NOS1AP: variants seen among roughly 807,000 people sequenced by gnomAD.
NOS1AP encodes the protein nitric oxide synthase 1 adaptor protein, also known as carboxyl-terminal PDZ ligand of neuronal nitric oxide synthase protein.
In NOS1AP, 21 loss-of-function variants were observed where a neutral mutation model predicts 56.2. That is an observed-to-expected ratio of 0.37 (90% confidence interval 0.26 to 0.54). The LOEUF is 0.54. Ranked by LOEUF, NOS1AP falls within the 20% of genes least tolerant of loss-of-function variation. The pLI is 0.84. For missense variants in NOS1AP, 522 were observed against 657.8 expected (o/e 0.79, Z 2.26); for synonymous variants, 270 against 274.6 (o/e 0.98, Z 0.17).
intron 2 of NOS1AP, among the ~76,000 whole-genome samples, chr1:162,222,877 C>T (rs1225427997): frequency 2.0e-5 from 3 of 152,100 alleles, no homozygotes; most frequent in South Asian, 2.1e-4. Context: ...GTTAAGATCA[C>T]GTGTGCTGAT....
rs138572328 is a variant in NOS1AP, at chr1:162,072,059, CAGATAGATAGATAGATAGATAGAT to C, written c.105+1809_105+1832del. On this transcript the variant is annotated intron_variant, in intron 1 of 9. Transcript: ENST00000361897. ...TGGGTGACAGAATGAGACCCTGTCTCAGATAGATAGATAGATAGATAGATAGATAGATAGATAGATAGATAGATA... is the reference window on the plus strand; with the variant it reads ...TGGGTGACAGAATGAGACCCTGTCTCAGATAGATAGATAGATAGATAGATA... Among the ~76,000 whole-genome samples, 36 of 141,588 alleles carry C rather than the reference CAGATAGATAGATAGATAGATAGAT, an allele frequency of 2.5e-4. 1 individual carries two copies. The highest frequency in any genetic ancestry group is 2.1e-4 in the Admixed American group (3 of 13,988). The allele number at this position is 141,588 out of a possible 152,430, so 92.9% of individuals were successfully genotyped here.
intron 2 of NOS1AP, among the ~76,000 whole-genome samples, chr1:162,175,153 G>GA (rs59467237): frequency 4.2e-4 from 61 of 144,806 alleles, no homozygotes; most frequent in African/African-American, 4.5e-4. Context: ...ACTTTTTGGG[G>GA]AAAAAAAAAA....
chr1:162,236,030 C>T (rs1468638962), intron 2 of NOS1AP, among the ~76,000 whole-genome samples: 1 of 152,178 alleles, frequency 6.6e-6, no homozygotes, highest in African/African-American at 2.4e-5. Context: ...TTTCATGTCA[C>T]TTCCCCAGTC....
At chr1:162,142,535 C>T (rs940404814) in intron 1 of NOS1AP, among the ~76,000 whole-genome samples, 74 of 151,998 alleles carry the variant, frequency 4.9e-4, no homozygotes, top group African/African-American at 1.8e-3. Flanking sequence ...ACCTTTTATT[C>T]TTGGTGTACA....
chr1:162,340,012 G>A (rs1210509559), intron 5 of NOS1AP, among the ~76,000 whole-genome samples: 2 of 152,196 alleles, frequency 1.3e-5, no homozygotes, highest in African/African-American at 4.8e-5. Context: ...AGTACAGTGA[G>A]GAGCTGTTTA....
intron 1 of NOS1AP, among the ~76,000 whole-genome samples, chr1:162,099,953 G>GACATGA (rs1029354594): frequency 6.6e-6 from 1 of 151,584 alleles, no homozygotes; most frequent in Non-Finnish European, 1.5e-5. Context: ...CCCTACAAAG[G>GACATGA]ACATGAACTC....
chr1:162,329,972 C>T (rs1656712289), intron 4 of NOS1AP, among the ~76,000 whole-genome samples: 1 of 152,234 alleles, frequency 6.6e-6, no homozygotes, highest in Admixed American at 6.5e-5. Context: ...GTACAGTTCT[C>T]ATCAGATTTT....
chr1:162,180,773 C>G (rs1476912708), intron 2 of NOS1AP, among the ~76,000 whole-genome samples: 2 of 152,140 alleles, frequency 1.3e-5, no homozygotes, highest in Non-Finnish European at 2.9e-5. Flanking sequence ...AGGAACACAG[C>G]CTGGTTGACA....
chr1:162,367,623 G>A lies in NOS1AP; in HGVS notation c.*156G>A. The A allele has an allele frequency of 1.2e-6, 1 of 820,838 alleles. No homozygotes were observed. The highest frequency in any genetic ancestry group is 1.8e-5 in the South Asian group (1 of 54,686). 50.8% of individuals were successfully genotyped at this position (820,838 alleles called of 1,614,324 possible). A position where few individuals can be genotyped will look rare whatever the true frequency, so the allele number is the denominator to read the frequency against. On this transcript the variant is annotated 3_prime_UTR_variant, in exon 10 of 10. Coordinates refer to ENST00000361897, the MANE Select transcript of NOS1AP (RefSeq NM_014697.3). The surrounding 1 kb of genome is among the most constrained non-coding windows in gnomAD (Gnocchi z 6.5). Reference sequence around the variant, plus strand: ...GGTTTCAGGAAAGTATTGAGATTCTGCTTTGGAGGGTAAAGTGGGGAAGAA... The same window carrying A: ...GGTTTCAGGAAAGTATTGAGATTCTACTTTGGAGGGTAAAGTGGGGAAGAA...
chr1:162,341,948 G>T (rs1657120799), intron 5 of NOS1AP, among the ~76,000 whole-genome samples: 1 of 152,142 alleles, frequency 6.6e-6, no homozygotes, highest in Non-Finnish European at 1.5e-5. Flanking sequence ...TGTGTTTTGG[G>T]AGTGGGAAGT....
chr1:162,326,461 T>C (rs1331639468), intron 4 of NOS1AP, among the ~76,000 whole-genome samples: 1 of 152,208 alleles, frequency 6.6e-6, no homozygotes, highest in Non-Finnish European at 1.5e-5. Context: ...TGGGTGTGCA[T>C]GCTTACACAT....
At chr1:162,232,546 G>A (rs1303835200) in intron 2 of NOS1AP, among the ~76,000 whole-genome samples, 1 of 151,652 alleles carries the variant, frequency 6.6e-6, no homozygotes, top group Non-Finnish European at 1.5e-5. Context: ...GTGTGTGTGT[G>A]TGTGTGTCTA....
intron 1 of NOS1AP, among the ~76,000 whole-genome samples, chr1:162,084,796 C>T (rs1466181016): frequency 6.6e-6 from 1 of 152,058 alleles, no homozygotes; most frequent in African/African-American, 2.4e-5. Flanking sequence ...ATATTCCTGC[C>T]TCAGCCTCCC....
chr1:162,178,810 C>T (rs574674275), intron 2 of NOS1AP, among the ~76,000 whole-genome samples: 1 of 152,336 alleles, frequency 6.6e-6, no homozygotes, highest in East Asian at 1.9e-4. Flanking sequence ...TGCTCTTATA[C>T]TTCCTGGATG....
At chr1:162,310,596 G>A (rs1655991283) in intron 4 of NOS1AP, among the ~76,000 whole-genome samples, 1 of 152,150 alleles carries the variant, frequency 6.6e-6, no homozygotes, top group Admixed American at 6.5e-5. Flanking sequence ...TCATACATAT[G>A]CATGAGTAGG....
At chr1:162,098,618 G>A (rs12069050) in intron 1 of NOS1AP, among the ~76,000 whole-genome samples, 17,575 of 151,844 alleles carry the variant, frequency 0.12, 2,263 homozygotes, top group African/African-American at 0.32. Flanking sequence ...CATCACCTAG[G>A]TATTAAGCCT....
intron 3 of NOS1AP, among the ~76,000 whole-genome samples, chr1:162,300,067 C>T (rs1655593884): frequency 6.6e-6 from 1 of 152,278 alleles, no homozygotes; most frequent in African/African-American, 2.4e-5. Context: ...ACAGCAAAGT[C>T]TCTCTGACAA....
intron 1 of NOS1AP, 92 bp downstream of exon 1, chr1:162,070,374 C>A: frequency 8.9e-7 from 1 of 1,122,904 alleles, no homozygotes; most frequent in Non-Finnish European, 1.3e-6. Flanking sequence ...GGACCCAGAG[C>A]TGGCGGGCTA....
At chr1:162,071,896 A>G (rs1691666182) in intron 1 of NOS1AP, among the ~76,000 whole-genome samples, 1 of 152,100 alleles carries the variant, frequency 6.6e-6, no homozygotes, top group African/African-American at 2.4e-5. Flanking sequence ...GGGAGATAAG[A>G]TTTAAAGTGT....
Sources: allele counts gnomAD v4.1 joint callset (sites outside exome capture counted in the v4.1 genomes callset), GRCh38; gene constraint gnomAD v4.1.1; non-coding constraint Gnocchi (gnomAD v3.1); transcripts MANE v1.5; gene names NCBI Gene and HGNC (gene_info 2026-07-23, HGNC 2026-07-21).